Variants in ASRGL1 observed in about 807,000 individuals in gnomAD.
The protein encoded by ASRGL1 is isoaspartyl peptidase/L-asparaginase.
In ASRGL1, 16 loss-of-function variants were observed where a neutral mutation model predicts 22.4. The observed-to-expected ratio is 0.71, with a 90% CI of 0.48 to 1.08. ASRGL1 has a LOEUF of 1.08. Ranked by LOEUF, ASRGL1 falls within the 50% of genes least tolerant of loss-of-function variation. ASRGL1 has a pLI of 0.00. For missense variants in ASRGL1, 412 were observed against 410.1 expected (o/e 1.00, Z -0.04); for synonymous variants, 165 against 159.3 (o/e 1.04, Z -0.27).
intron 4 of ASRGL1, chr11:62,371,295 C>T (rs1286636605): frequency 2.9e-6 from 4 of 1,379,972 alleles, no homozygotes; most frequent in East Asian, 5.9e-5. Context: ...GCAGCGGCGA[C>T]GAGGACGGCC....
the ASRGL1 span, among the ~76,000 whole-genome samples, chr11:62,398,870 T>C: frequency 6.6e-6 from 1 of 152,210 alleles, no homozygotes; most frequent in East Asian, 1.9e-4. Context: ...CTGTCTTCCC[T>C]AGAAATTCCA....
At chr11:62,400,927 C>T in the ASRGL1 span, among the ~76,000 whole-genome samples, 1 of 152,248 alleles carries the variant, frequency 6.6e-6, no homozygotes, top group Admixed American at 6.5e-5. Context: ...TCTGGACCAG[C>T]TCCCAGGAAA....
chr11:62,394,086 T>C (rs1204820799), downstream of ASRGL1, among the ~76,000 whole-genome samples: 1 of 142,922 alleles, frequency 7.0e-6, no homozygotes, highest in African/African-American at 2.6e-5. Flanking sequence ...TATTATAATT[T>C]ATACAATATA....
At chr11:62,359,744 A>C (rs1393575600) in intron 4 of ASRGL1, among the ~76,000 whole-genome samples, 1 of 152,072 alleles carries the variant, frequency 6.6e-6, no homozygotes. Context: ...TGTAGTTGCT[A>C]ACTCTCCGTG....
At chr11:62,355,623 T>TC in intron 2 of ASRGL1, among the ~76,000 whole-genome samples, 1 of 66,720 alleles carries the variant, frequency 1.5e-5, no homozygotes, top group Non-Finnish European at 3.2e-5. Context: ...TTCTAAATTC[T>TC]TTTTTTTTTT....
chr11:62,363,229 G>A (rs1264984153), intron 4 of ASRGL1, among the ~76,000 whole-genome samples: 1 of 151,630 alleles, frequency 6.6e-6, no homozygotes, highest in Admixed American at 6.6e-5. Context: ...CACCATGCCT[G>A]GCCGATTTAA....
In ASRGL1 at chr11:62,384,035, C is replaced by CGTGTGTGT. The variant is rs141968496; in HGVS notation, c.492-5087_492-5080dup. ...GCATGTGTGTGTGTGCACGTGTGTG[C>CGTGTGTGT]GTGTGTGTGTGTGTGTGTTTGCCAT... On this transcript the variant is annotated intron_variant, in intron 4 of 6. Transcript: ENST00000415229. 4.5e-3 allele frequency among the ~76,000 whole-genome samples: 674 copies of CGTGTGTGT among 150,280 alleles called. 3 individuals are homozygous for CGTGTGTGT. The highest frequency in any genetic ancestry group is 0.014 in the East Asian group (72 of 5,102).
intron 4 of ASRGL1, among the ~76,000 whole-genome samples, chr11:62,362,507 A>ATATAATATATATTATATAAAATATG (rs1946463061): frequency 1.9e-5 from 1 of 53,416 alleles, no homozygotes; most frequent in East Asian, 4.5e-4. Flanking sequence ...TATAAAATAT[A>ATATAATATATATTATATAAAATATG]TAACATATAT....
intron 4 of ASRGL1, among the ~76,000 whole-genome samples, chr11:62,376,806 A>G (rs1946943781): frequency 6.6e-6 from 1 of 152,186 alleles, no homozygotes; most frequent in African/African-American, 2.4e-5. Context: ...ATCCTGGTCC[A>G]TTGTCAGTTT....
chr11:62,362,739 ATATATT>A (rs1946505022), intron 4 of ASRGL1, among the ~76,000 whole-genome samples: 1 of 101,956 alleles, frequency 9.8e-6, no homozygotes, highest in Non-Finnish European at 1.9e-5. Flanking sequence ...AAAATATAAT[ATATATT>A]ATATATATAA....
Position 62,392,562 on chromosome 11 carries a change from C to T in ASRGL1, c.*278C>T. 1 of 356,584 alleles carries T rather than the reference C, an allele frequency of 2.8e-6. No homozygotes were observed. Among genetic ancestry groups the T allele is most frequent in the South Asian group, 3.5e-5 (1 of 28,182 alleles). The allele number at this position is 356,584 out of a possible 1,614,324, so 22.1% of individuals were successfully genotyped here. A position where few individuals can be genotyped will look rare whatever the true frequency, so the allele number is the denominator to read the frequency against. On this transcript the variant is annotated 3_prime_UTR_variant, in exon 7 of 7. Coordinates refer to ENST00000415229, the MANE Select transcript of ASRGL1 (RefSeq NM_001083926.2). The stretch of plus-strand genomic sequence containing the variant: ...CCAGCCTGGGCAACAGAGCCAGGCC[C>T]TGTATCAAAAAAAAAAAAAAAAAGA...
chr11:62,362,677 TTATATAAAA>T (rs1946496948), intron 4 of ASRGL1, among the ~76,000 whole-genome samples: 2 of 89,864 alleles, frequency 2.2e-5, no homozygotes, highest in African/African-American at 9.3e-5. Flanking sequence ...ATAATATATA[TTATATAAAA>T]TATATATTAT....
chr11:62,364,090 C>T (rs556565426), intron 4 of ASRGL1, among the ~76,000 whole-genome samples: 4 of 134,732 alleles, frequency 3.0e-5, no homozygotes, highest in Admixed American at 9.0e-5. Flanking sequence ...ACCCAGGAGG[C>T]GGAGGTTGCA....
chr11:62,395,635 G>T (rs920375643), downstream of ASRGL1, among the ~76,000 whole-genome samples: 2 of 152,054 alleles, frequency 1.3e-5, no homozygotes, highest in South Asian at 4.1e-4. Context: ...AGAGGTGATG[G>T]TGTGTGGGGA....
intron 4 of ASRGL1, among the ~76,000 whole-genome samples, chr11:62,367,255 A>G (rs1330831445): frequency 2.0e-5 from 3 of 150,906 alleles, no homozygotes; most frequent in Admixed American, 2.0e-4. Flanking sequence ...GGAGAATGGC[A>G]TGAACCCGGG....
intron 2 of ASRGL1, among the ~76,000 whole-genome samples, chr11:62,353,860 A>G (rs1946219956): frequency 6.6e-6 from 1 of 152,194 alleles, no homozygotes; most frequent in Non-Finnish European, 1.5e-5. Context: ...TGCGCTGATC[A>G]GTGTAAAGGG....
At chr11:62,367,224 G>C (rs1389745831) in intron 4 of ASRGL1, among the ~76,000 whole-genome samples, 1 of 152,084 alleles carries the variant, frequency 6.6e-6, no homozygotes, top group Non-Finnish European at 1.5e-5. Context: ...TGTAGTCCCA[G>C]CTGCTCGGGA....
intron 4 of ASRGL1, among the ~76,000 whole-genome samples, chr11:62,369,309 C>G (rs1002361577): frequency 1.3e-5 from 2 of 152,034 alleles, no homozygotes; most frequent in African/African-American, 4.8e-5. Context: ...CATGTCTCTG[C>G]GACACAGGGT....
At chr11:62,352,263 G>A (rs1946184604) in intron 2 of ASRGL1, among the ~76,000 whole-genome samples, 1 of 152,104 alleles carries the variant, frequency 6.6e-6, no homozygotes, top group Non-Finnish European at 1.5e-5. Context: ...GAGCACACAG[G>A]GAGATAGTAA....
Sources: gnomAD v4.1 joint callset for allele counts (sites outside exome capture counted in the v4.1 genomes callset) on GRCh38, gnomAD v4.1.1 for gene constraint, MANE v1.5 for transcripts, NCBI Gene and HGNC (gene_info 2026-07-23, HGNC 2026-07-21) for gene names.